Variants in XRCC1 observed in about 807,000 individuals in gnomAD.
The protein encoded by XRCC1 is X-ray repair cross complementing 1, also known as DNA repair protein XRCC1.
Under a neutral mutation model 83.3 loss-of-function variants are expected in XRCC1, and 52 were observed. The observed-to-expected ratio is 0.62, with a 90% CI of 0.50 to 0.79. The LOEUF is 0.79. XRCC1 is among the 30% of genes least tolerant of loss of function. The pLI is 0.00. For synonymous variants in XRCC1, 281 were observed against 312.6 expected (o/e 0.90, Z 1.07); for missense variants, 793 against 823.5 (o/e 0.96, Z 0.45).
intron 8 of XRCC1, among the ~76,000 whole-genome samples, 199 bp from the exon 9 acceptor site, chr19:43,552,474 G>A (rs1219241625): frequency 1.3e-5 from 1 of 78,164 alleles, no homozygotes; most frequent in South Asian, 5.2e-4. Context: ...CAGGCCCCCA[G>A]CCCCTCCTCC....
intron 2 of XRCC1, among the ~76,000 whole-genome samples, chr19:43,563,577 A>T (rs1273334006): frequency 6.6e-6 from 1 of 152,148 alleles, no homozygotes; most frequent in African/African-American, 2.4e-5. Context: ...ACTTTCCACC[A>T]GCCACAACGG....
intron 2 of XRCC1, among the ~76,000 whole-genome samples, chr19:43,572,225 C>G (rs941868765): frequency 1.3e-5 from 2 of 152,184 alleles, no homozygotes; most frequent in Non-Finnish European, 2.9e-5. Flanking sequence ...CCTGGAGTCA[C>G]TTGATCATAA....
At chr19:43,560,869 G>A (rs755414653) in intron 3 of XRCC1, 41 bp downstream of exon 3, 5 of 1,521,646 alleles carry the variant, frequency 3.3e-6, no homozygotes, top group Non-Finnish European at 4.6e-6. Flanking sequence ...GAGCATGAGG[G>A]GCAGAGGTCA....
intron 14 of XRCC1, among the ~76,000 whole-genome samples, chr19:43,544,844 G>C (rs960724246): frequency 6.6e-6 from 1 of 151,608 alleles, no homozygotes; most frequent in Non-Finnish European, 1.5e-5. Context: ...GCGGGGGTCG[G>C]GGGGGGTCTC....
intron 3 of XRCC1, among the ~76,000 whole-genome samples, chr19:43,557,502 GAC>G (rs996717931): frequency 1.3e-5 from 2 of 152,032 alleles, no homozygotes; most frequent in African/African-American, 4.8e-5. Flanking sequence ...AAACAAGAAA[GAC>G]AATTATACAG....
intron 10 of XRCC1, among the ~76,000 whole-genome samples, chr19:43,548,095 T>TC (rs1302788319): frequency 8.2e-6 from 1 of 122,022 alleles, no homozygotes; most frequent in Admixed American, 7.7e-5. Context: ...AGCCGCCCCA[T>TC]CCGGGAGGGA....
At chr19:43,553,562 G>A (rs2146052917) in intron 5 of XRCC1, 47 bp downstream of exon 5, 1 of 1,612,828 alleles carries the variant, frequency 6.2e-7, no homozygotes, top group South Asian at 1.1e-5. Flanking sequence ...GCAGGTGGGG[G>A]TGGAGAGGCA....
chr19:43,570,954 G>A (rs1972801920), intron 2 of XRCC1, among the ~76,000 whole-genome samples: 2 of 152,180 alleles, frequency 1.3e-5, no homozygotes, highest in Admixed American at 1.3e-4. Flanking sequence ...TCTCTGACGT[G>A]GAGTAAGTTA....
In XRCC1 at chr19:43,553,408, T is replaced by A; in HGVS notation, c.594A>T (p.Thr198=). 6.2e-7 allele frequency: 1 copy of A among 1,614,052 alleles called. No individual in the cohort carries two copies. Among genetic ancestry groups the A allele is most frequent in the Non-Finnish European group, 8.5e-7 (1 of 1,179,970 alleles). The stretch of plus-strand genomic sequence containing the variant: ...CACGTTGTCCGAGCTCACCTGGGGA[T>A]GTCTTGTTGATCCGGCTGAAGAAGA... ...GALFFSRINK[T]SPVTASDPAG... The change falls in exon 6 of 17, where the codon ACA becomes ACT. Residue 198 remains threonine, a synonymous_variant. Coordinates refer to ENST00000262887, the MANE Select transcript of XRCC1 (RefSeq NM_006297.3).
At chr19:43,551,539 A>G in intron 10 of XRCC1, 32 bp downstream of exon 10, 1 of 1,576,864 alleles carries the variant, frequency 6.3e-7, no homozygotes, top group Non-Finnish European at 8.7e-7. Flanking sequence ...CCAGCACAGG[A>G]TAAGGAGCAG....
chr19:43,553,148 C>A lies in XRCC1; in HGVS notation c.602-57G>T, dbSNP rs188761631. On this transcript the variant is annotated intron_variant, in intron 6 of 16. Coordinates refer to ENST00000262887, the MANE Select transcript of XRCC1 (RefSeq NM_006297.3). ...AGGGCTGAGCCCCAAGACCCTTTCACTCCTATCTATGGGACACAGAATATT... is the reference window on the plus strand; with the variant it reads ...AGGGCTGAGCCCCAAGACCCTTTCAATCCTATCTATGGGACACAGAATATT... 4,470 of 1,497,454 alleles carry A rather than the reference C, an allele frequency of 3.0e-3. 13 individuals carry two copies. The highest frequency in any genetic ancestry group is 3.3e-3 in the Non-Finnish European group (3,687 of 1,101,414). 92.8% of individuals were successfully genotyped at this position (1,497,454 alleles called of 1,614,324 possible). A position where few individuals can be genotyped will look rare whatever the true frequency, so the allele number is the denominator to read the frequency against.
At chr19:43,551,312 C>T (rs117600734) in intron 10 of XRCC1, among the ~76,000 whole-genome samples, 1 of 152,226 alleles carries the variant, frequency 6.6e-6, no homozygotes, top group Non-Finnish European at 1.5e-5. Context: ...TGTTCTCCCA[C>T]CCCTGAGTTT....
At chr19:43,545,757 G>C in intron 14 of XRCC1, 61 bp downstream of exon 14, 2 of 1,592,756 alleles carry the variant, frequency 1.3e-6, no homozygotes, top group Non-Finnish European at 1.7e-6. Flanking sequence ...GCCAGGGCAA[G>C]TCCCAGCTGA....
At position 43,545,872 on chromosome 19, in the gene XRCC1, T is replaced by C; in HGVS notation, c.1567A>G (p.Thr523Ala). The change falls in exon 14 of 17, where the codon ACG becomes GCG. Residue 523 changes from threonine to alanine, a missense_variant. Coordinates refer to ENST00000262887, the MANE Select transcript of XRCC1 (RefSeq NM_006297.3). Reference protein sequence around the residue: ...DPYAGSTDENTDSEEHQEPPD... With the variant: ...DPYAGSTDENADSEEHQEPPD... ...GGCTCCTGGTGTTCCTCACTGTCCG[T>C]GTTCTCATCCGTGGAGCCTGCATAC... is the stretch of plus-strand genomic sequence containing the variant. 3.7e-6 allele frequency: 6 copies of C among 1,613,158 alleles called. No individual in the cohort carries two copies. Among genetic ancestry groups the C allele is most frequent in the Non-Finnish European group, 5.1e-6 (6 of 1,179,232 alleles).
At chr19:43,574,014 T>C in intron 2 of XRCC1, among the ~76,000 whole-genome samples, 1 of 152,224 alleles carries the variant, frequency 6.6e-6, no homozygotes, top group Admixed American at 6.5e-5. Context: ...CTAATCCATG[T>C]GAGTGAGGTG....
chr19:43,544,690 A>G (rs912245220), intron 14 of XRCC1, among the ~76,000 whole-genome samples: 3 of 152,118 alleles, frequency 2.0e-5, no homozygotes, highest in African/African-American at 7.2e-5. Flanking sequence ...AACTTTTTGT[A>G]GAGAGACGGG....
Position 43,544,140 on chromosome 19 carries a change from T to C in XRCC1, c.1712+4A>G, listed in dbSNP as rs760069182. The C allele has an allele frequency of 9.4e-6, 15 of 1,600,996 alleles. No individual in the cohort carries two copies. The highest frequency in any genetic ancestry group is 1.3e-5 in the Non-Finnish European group (15 of 1,173,760). ...CTTCCCCACCCCAGTCCCTGGAGAC[T>C]CACCCATTGAAGGCTGTGACGTATC... On this transcript the variant is annotated splice_donor_region_variant and intron_variant, in intron 15 of 16. Coordinates refer to ENST00000262887, the MANE Select transcript of XRCC1 (RefSeq NM_006297.3).
intron 15 of XRCC1, 116 bp from the exon 16 acceptor site, chr19:43,543,803 G>A (rs1972480834): frequency 1.1e-6 from 1 of 936,864 alleles, no homozygotes; most frequent in African/African-American, 1.7e-5. Context: ...GCGCCTCTAG[G>A]TTGCCTCTAG....
chr19:43,560,850 C>T (rs1159262198), intron 3 of XRCC1, 60 bp downstream of exon 3: 24 of 1,400,338 alleles, frequency 1.7e-5, no homozygotes, highest in Middle Eastern at 1.8e-4. Flanking sequence ...CTGGGGGAGA[C>T]GGTGATGCGA....
Sources: gnomAD v4.1 joint callset for allele counts (sites outside exome capture counted in the v4.1 genomes callset) on GRCh38, gnomAD v4.1.1 for gene constraint, MANE v1.5 for transcripts, NCBI Gene and HGNC (gene_info 2026-07-23, HGNC 2026-07-21) for gene names.